Variants in COL13A1 observed in about 807,000 individuals in gnomAD.
The protein encoded by COL13A1 is collagen type XIII alpha 1 chain.
In COL13A1, 89 loss-of-function variants were observed where a neutral mutation model predicts 130.9. The observed-to-expected ratio is 0.68, with a 90% CI of 0.57 to 0.81. The LOEUF (loss-of-function observed/expected upper bound fraction) is 0.81. Among genes scored for constraint, COL13A1 ranks in the 30% least tolerant of loss-of-function variants. The pLI is 0.00. For missense variants in COL13A1, 879 were observed against 934.6 expected (o/e 0.94, Z 0.78); for synonymous variants, 402 against 341.6 (o/e 1.18, Z -1.95).
At chr10:69,891,382 C>A (rs2061149890) in intron 10 of COL13A1, among the ~76,000 whole-genome samples, 1 of 152,120 alleles carries the variant, frequency 6.6e-6, no homozygotes, top group African/African-American at 2.4e-5. Context: ...GCTTTCTGGA[C>A]ATGGGAGAAT....
intron 7 of COL13A1, among the ~76,000 whole-genome samples, chr10:69,886,973 T>A (rs894517305): frequency 3.3e-5 from 5 of 152,168 alleles, no homozygotes; most frequent in Non-Finnish European, 5.9e-5. Context: ...ACAGGAGCAA[T>A]CTGACTAGTC....
intron 17 of COL13A1, among the ~76,000 whole-genome samples, chr10:69,907,607 C>T (rs1381501397): frequency 6.6e-6 from 1 of 152,126 alleles, no homozygotes; most frequent in Non-Finnish European, 1.5e-5. Context: ...AACTAACCCA[C>T]TTCCATGATA....
chr10:69,945,207 G>C (rs995078296), intron 36 of COL13A1, among the ~76,000 whole-genome samples: 4 of 152,234 alleles, frequency 2.6e-5, no homozygotes, highest in Non-Finnish European at 4.4e-5. Context: ...CACCTTGCTG[G>C]CTCTGTCTCA....
chr10:69,805,024 C>T (rs1292483021), intron 1 of COL13A1, among the ~76,000 whole-genome samples: 4 of 151,982 alleles, frequency 2.6e-5, no homozygotes, highest in African/African-American at 4.8e-5. Context: ...AGGGGACAAA[C>T]GGAACAGCCT....
chr10:69,940,137 C>G (rs866845724), intron 34 of COL13A1, among the ~76,000 whole-genome samples: 3 of 128,208 alleles, frequency 2.3e-5, no homozygotes, highest in African/African-American at 8.4e-5. Flanking sequence ...AGGAGTGCCA[C>G]CCCACCCCCG....
chr10:69,934,695 T>C (rs2066601792), intron 31 of COL13A1, among the ~76,000 whole-genome samples: 1 of 152,242 alleles, frequency 6.6e-6, no homozygotes. Context: ...CTCCTCCATC[T>C]TCACTGTCCA....
chr10:69,930,674 G>A (rs1044692018), intron 30 of COL13A1, 122 bp downstream of exon 30: 4 of 1,152,394 alleles, frequency 3.5e-6, no homozygotes, highest in Admixed American at 5.9e-5. Context: ...CTGGGGCCAG[G>A]GCTTAGGGGT....
At chr10:69,855,318 T>G (rs954065639) in intron 2 of COL13A1, among the ~76,000 whole-genome samples, 3 of 152,270 alleles carry the variant, frequency 2.0e-5, no homozygotes, top group African/African-American at 7.2e-5. Flanking sequence ...CTTTATTTCT[T>G]CCTGGCCCAC....
At chr10:69,925,742 C>T (rs942824125) in intron 25 of COL13A1, 62 bp from the exon 26 acceptor site, 2 of 1,299,830 alleles carry the variant, frequency 1.5e-6, no homozygotes, top group Non-Finnish European at 2.2e-6. Context: ...GAGAGCAGGC[C>T]ACAGTTGCCC....
intron 38 of COL13A1, among the ~76,000 whole-genome samples, chr10:69,951,408 G>A (rs181609873): frequency 6.6e-6 from 1 of 152,116 alleles, no homozygotes. Context: ...TGCCCAGGCT[G>A]AAGTGTAGTG....
At chr10:69,896,763 G>GC in intron 13 of COL13A1, among the ~76,000 whole-genome samples, 1 of 152,176 alleles carries the variant, frequency 6.6e-6, no homozygotes, top group Non-Finnish European at 1.5e-5. Context: ...GCGGTGCTGG[G>GC]CCCGGGCTGA....
intron 30 of COL13A1, among the ~76,000 whole-genome samples, chr10:69,932,162 C>T (rs914998425): frequency 2.6e-5 from 4 of 151,996 alleles, no homozygotes; most frequent in South Asian, 2.1e-4. Context: ...GCTGTGTGCA[C>T]GTGTGTTTGT....
At chr10:69,941,119 T>C (rs554988759) in intron 35 of COL13A1, 96 bp downstream of exon 35, 1 of 1,589,906 alleles carries the variant, frequency 6.3e-7, no homozygotes, top group Admixed American at 1.7e-5. Context: ...ATTTTCCCAG[T>C]GAATCATGCC....
At chr10:69,902,996 G>T in intron 15 of COL13A1, 141 bp downstream of exon 15, 1 of 603,650 alleles carries the variant, frequency 1.7e-6, no homozygotes, top group Non-Finnish European at 2.7e-6. Context: ...ACCATGCAAG[G>T]GGCTATTCAT....
chr10:69,840,319 C>T (rs1167282985), intron 2 of COL13A1, among the ~76,000 whole-genome samples: 3 of 152,114 alleles, frequency 2.0e-5, no homozygotes, highest in Admixed American at 6.5e-5. Context: ...CCCGGTGACT[C>T]GGTGACTCGG....
intron 33 of COL13A1, 61 bp from the exon 34 acceptor site, chr10:69,937,574 C>A: frequency 2.4e-6 from 2 of 831,302 alleles, no homozygotes; most frequent in Non-Finnish European, 2.1e-6. Flanking sequence ...CCCCAGAATG[C>A]AAGAATGAAT....
intron 1 of COL13A1, among the ~76,000 whole-genome samples, chr10:69,806,728 C>G (rs773271328): frequency 6.6e-6 from 1 of 152,166 alleles, no homozygotes; most frequent in East Asian, 1.9e-4. Context: ...AATGCTGGGC[C>G]GGGTGCAGTG....
intron 2 of COL13A1, chr10:69,829,279 C>T (rs1302404454): frequency 1.0e-6 from 1 of 984,628 alleles, no homozygotes; most frequent in East Asian, 1.1e-4. Context: ...TACACAGAAG[C>T]CAGAATGGTA....
At chr10:69,898,017 C>T (rs946928068) in intron 13 of COL13A1, among the ~76,000 whole-genome samples, 2 of 152,164 alleles carry the variant, frequency 1.3e-5, no homozygotes, top group Non-Finnish European at 2.9e-5. Flanking sequence ...TTCCAGGCCC[C>T]GCAGCCCCAG....
Sources: allele counts gnomAD v4.1 joint callset (sites outside exome capture counted in the v4.1 genomes callset), GRCh38; gene constraint gnomAD v4.1.1; transcripts MANE v1.5; gene names NCBI Gene and HGNC (gene_info 2026-07-23, HGNC 2026-07-21).